The following CCDC88B variants were observed in gnomAD, a reference collection of about 807,000 sequenced individuals.
CCDC88B encodes coiled-coil domain-containing protein 88B.
In CCDC88B, 138 loss-of-function variants were observed where a neutral mutation model predicts 183.7. The observed-to-expected ratio is 0.75, with a 90% CI of 0.65 to 0.87. The LOEUF (loss-of-function observed/expected upper bound fraction) is 0.87, where lower values mean the gene tolerates loss of function less well. CCDC88B is among the 40% of genes least tolerant of loss of function. The pLI is 0.00. For missense variants in CCDC88B, 1,822 were observed against 1,965.6 expected (o/e 0.93, Z 1.38); for synonymous variants, 835 against 867.5 (o/e 0.96, Z 0.66).
intron 24 of CCDC88B, 111 bp downstream of exon 24, chr11:64,354,281 C>T (rs563409848): frequency 3.7e-5 from 34 of 921,188 alleles, no homozygotes; most frequent in Middle Eastern, 7.7e-4. Context: ...TTGGCCTTCC[C>T]TGAGGCCTGC....
Position 64,353,728 on chromosome 11 carries a change from G to T in CCDC88B, c.3847G>T (p.Ala1283Ser), listed in dbSNP as rs1257186932. The change falls in exon 23 of 27, where the codon GCC becomes TCC. Residue 1283 changes from alanine (A) to serine (S), a missense_variant. Ala to Ser is a moderately conservative substitution (Grantham distance 99, BLOSUM62 1). Coordinates refer to ENST00000356786, the MANE Select transcript of CCDC88B (RefSeq NM_032251.6). ...CACTCCTGCCAGGGACCAGCTTAAT[G>T]CCCTGCGCCGCGAGAAGCAGAAGCT... ...EQREYLDQLN[A>S]LRREKQKLVE... 4 of 1,613,938 alleles carry T rather than the reference G, an allele frequency of 2.5e-6. No individual in the cohort carries two copies. In the African/African-American group the frequency reaches 4.0e-5, roughly 16 times the overall value.
At chr11:64,348,049 CAAAAAAAAAA>C (rs551644268) in intron 14 of CCDC88B, among the ~76,000 whole-genome samples, 3 of 70,902 alleles carry the variant, frequency 4.2e-5, no homozygotes, top group African/African-American at 1.2e-4. Flanking sequence ...GACTCCGTCT[CAAAAAAAAAA>C]AAAAAAAAAA....
intron 16 of CCDC88B, 107 bp from the exon 17 acceptor site, chr11:64,351,053 A>G: frequency 1.4e-6 from 1 of 718,754 alleles, no homozygotes; most frequent in Non-Finnish European, 2.2e-6. Context: ...GGCGGGGTGG[A>G]CTAGGCTAAA....
At chr11:64,343,412 A>C in intron 11 of CCDC88B, 87 bp downstream of exon 11, 2 of 1,538,390 alleles carry the variant, frequency 1.3e-6, no homozygotes, top group Non-Finnish European at 1.8e-6. Context: ...GATTCTTGCA[A>C]CCTCTGCTCT....
Position 64,353,618 on chromosome 11 carries a change from G to A in CCDC88B, c.3834-97G>A, listed in dbSNP as rs1412526583. 2.2e-5 allele frequency: 35 copies of A among 1,578,520 alleles called. No individual in the cohort carries two copies. The Admixed American group carries it at 3.9e-4, about 17-fold the overall frequency. ...GACCTTCCAGGTCAGTCCAATCTGC[G>A]GCACGGGACCAGTGCGTCCTCGCTG... On this transcript the variant is annotated intron_variant, in intron 22 of 26. Transcript: ENST00000356786.
At position 64,344,834 on chromosome 11, in the gene CCDC88B, C is replaced by T; in HGVS notation, c.2293C>T (p.Leu765Phe). 6.2e-7 allele frequency: 1 copy of T among 1,612,264 alleles called. No individual in the cohort carries two copies. The highest frequency in any genetic ancestry group is 8.5e-7 in the Non-Finnish European group (1 of 1,179,386). The change falls in exon 14 of 27, where the codon CTC (leucine) becomes TTC (phenylalanine). Residue 765 changes from leucine (L) to phenylalanine (F), a missense_variant. By Grantham distance (22) the Leu-to-Phe change is conservative. Transcript: ENST00000356786. This position sits in a 1 kb window ranked among gnomAD's most constrained non-coding sequence, Gnocchi z 4.5. ...GGCCCAAAACACGGAGGCTGCCCGC[C>T]TCTCCAAGGAGCTGGCCCAAGCGCG... Reference protein sequence around the residue: ...LEAQNTEAARLSKELAQARRA... With the variant: ...LEAQNTEAARFSKELAQARRA...
chr11:64,344,067 T>C lies in CCDC88B; in HGVS notation c.1526T>C (p.Val509Ala). The C allele has an allele frequency of 6.2e-7, 1 of 1,604,342 alleles. No homozygotes were observed. The highest frequency in any genetic ancestry group is 8.5e-7 in the Non-Finnish European group (1 of 1,175,262). The change falls in exon 14 of 27, where the codon GTG (valine) becomes GCG (alanine). Residue 509 changes from valine (V) to alanine (A), a missense_variant. Transcript: ENST00000356786. This position sits in a 1 kb window ranked among gnomAD's most constrained non-coding sequence, Gnocchi z 4.5. ...CTGGAGGAGGCTCCCCAGACTCCTG[T>C]GGCCTTCGACCACAGCCCTCAGGGC... is the stretch of plus-strand genomic sequence containing the variant. ...PVLEEAPQTP[V>A]AFDHSPQGLV...
At chr11:64,353,325 T>C in intron 21 of CCDC88B, 26 bp from the exon 22 acceptor site, 2 of 1,610,116 alleles carry the variant, frequency 1.2e-6, no homozygotes, top group Non-Finnish European at 1.7e-6. Flanking sequence ...GGTCCCACCC[T>C]CCGAGCCATG....
intron 21 of CCDC88B, 28 bp from the exon 22 acceptor site, chr11:64,353,323 C>A: frequency 6.2e-7 from 1 of 1,609,406 alleles, no homozygotes; most frequent in Non-Finnish European, 8.5e-7. Flanking sequence ...TGGGTCCCAC[C>A]CTCCGAGCCA....
chr11:64,342,721 G>T, intron 10 of CCDC88B, 41 bp downstream of exon 10: 1 of 1,445,084 alleles, frequency 6.9e-7, no homozygotes, highest in Non-Finnish European at 9.0e-7. Context: ...CGTGCGCGAG[G>T]GGGCGGGCCA....
At chr11:64,354,488 G>A (rs987818230) in intron 24 of CCDC88B, among the ~76,000 whole-genome samples, 4 of 152,052 alleles carry the variant, frequency 2.6e-5, no homozygotes, top group South Asian at 2.1e-4. Context: ...CTGAGGCCCC[G>A]GGAGGGGAAG....
rs758801941 is a variant in CCDC88B, at chr11:64,344,358, C to T, written c.1817C>T (p.Pro606Leu). Residue 606 changes from proline (P) to leucine (L), a missense_variant, in exon 14 of 27, where the codon CCA (proline) becomes CTA (leucine). Physicochemically the swap from Pro to Leu is moderately conservative, Grantham distance 98. Coordinates refer to ENST00000356786, the MANE Select transcript of CCDC88B (RefSeq NM_032251.6). The surrounding 1 kb of genome is among the most constrained non-coding windows in gnomAD (Gnocchi z 4.5). Reference sequence around the variant, plus strand: ...CTCCAGAGCCCTGCCTCTGTGGCCCCACCTCAGGGTCCAGGGACCAAAATT... The same window carrying T: ...CTCCAGAGCCCTGCCTCTGTGGCCCTACCTCAGGGTCCAGGGACCAAAATT... Reference protein sequence around the residue: ...SSLQSPASVAPPQGPGTKIQA... With the variant: ...SSLQSPASVALPQGPGTKIQA... 2.5e-6 allele frequency: 4 copies of T among 1,592,978 alleles called. No individual in the cohort carries two copies. Among genetic ancestry groups the T allele is most frequent in the African/African-American group, 2.7e-5 (2 of 73,736 alleles).
At position 64,355,307 on chromosome 11, in the gene CCDC88B, A is replaced by T; in HGVS notation, c.4213A>T (p.Ser1405Cys). ...KLSSRFPVGR[S>C]SESFSPGDTP... ...CAGCTCAAGGTTCCCGGTGGGGCGAAGCTCTGAGTCATTCAGCCCTGGGGA... is the reference window on the plus strand; with the variant it reads ...CAGCTCAAGGTTCCCGGTGGGGCGATGCTCTGAGTCATTCAGCCCTGGGGA... Residue 1405 changes from serine to cysteine, a missense_variant, in exon 25 of 27, where the codon AGC becomes TGC. Ser to Cys is a moderately radical substitution (Grantham distance 112, BLOSUM62 -1). Coordinates refer to ENST00000356786, the MANE Select transcript of CCDC88B (RefSeq NM_032251.6). The T allele has an allele frequency of 1.3e-6, 2 of 1,590,700 alleles. No individual in the cohort carries two copies. Among genetic ancestry groups the T allele is most frequent in the Non-Finnish European group, 1.7e-6 (2 of 1,169,676 alleles).
At chr11:64,351,688 G>A in intron 18 of CCDC88B, 72 bp downstream of exon 18, 1 of 1,446,212 alleles carries the variant, frequency 6.9e-7, no homozygotes. Flanking sequence ...TCATCCTGTG[G>A]CCTTTTTCTA....
chr11:64,340,639 G>T lies in CCDC88B; in HGVS notation c.93G>T (p.Ala31=). ...GACTGGCCGGGCTGGTCGGGGAGGC[G>T]GAGGACTCGGAGGGGGAAGAAGAGG... ...ALGLAGLVGE[A]EDSEGEEEEE... The change falls in exon 2 of 27, where the codon GCG becomes GCT. Residue 31 remains alanine, a synonymous_variant. Transcript: ENST00000356786. 2 of 1,610,840 alleles carry T rather than the reference G, an allele frequency of 1.2e-6. No individual in the cohort carries two copies. Among genetic ancestry groups the T allele is most frequent in the South Asian group, 1.1e-5 (1 of 91,070 alleles).
intron 17 of CCDC88B, 65 bp downstream of exon 17, chr11:64,351,320 T>C: frequency 6.7e-7 from 1 of 1,497,580 alleles, no homozygotes; most frequent in Non-Finnish European, 9.0e-7. Context: ...GGGTCCACGG[T>C]GGACCCTGGG....
At position 64,355,888 on chromosome 11, in the gene CCDC88B, G is replaced by C. The variant is rs2036531946; in HGVS notation, c.4375+260G>C. 8.1e-6 allele frequency: 3 copies of C among 369,898 alleles called. No individual in the cohort carries two copies. In the East Asian group the frequency reaches 1.3e-4, roughly 16 times the overall value. The allele number at this position is 369,898 out of a possible 1,614,324, so 22.9% of individuals were successfully genotyped here. A position where few individuals can be genotyped will look rare whatever the true frequency, so the allele number is the denominator to read the frequency against. ...CATGATAATTTTAACTTTTCCAGTA[G>C]GCTTACCAGAAAAAGTGAAAAGAGA... is the stretch of plus-strand genomic sequence containing the variant. On this transcript the variant is annotated intron_variant, in intron 26 of 26. Coordinates refer to ENST00000356786, the MANE Select transcript of CCDC88B (RefSeq NM_032251.6).
chr11:64,343,171 C>T lies in CCDC88B; in HGVS notation c.1063-8C>T. On this transcript the variant is annotated splice_region_variant and splice_polypyrimidine_tract_variant and intron_variant, in intron 10 of 26. Transcript: ENST00000356786. The stretch of plus-strand genomic sequence containing the variant: ...CGTGGCTACCGGTTCTCCCTGCTCT[C>T]CCACCAGGAGGAGCGGGTGCTCTCG... 6.6e-7 allele frequency: 1 copy of T among 1,524,214 alleles called. No individual in the cohort carries two copies. The highest frequency in any genetic ancestry group is 8.8e-7 in the Non-Finnish European group (1 of 1,133,648). 94.4% of individuals were successfully genotyped at this position (1,524,214 alleles called of 1,614,324 possible). A position where few individuals can be genotyped will look rare whatever the true frequency, so the allele number is the denominator to read the frequency against.
chr11:64,349,683 C>A lies in CCDC88B; in HGVS notation c.2862+15C>A. ...AGCTGTTCCAGGTGATGCCTGCCCG[C>A]CTGGGAGCTGGGGGCCATGCCACCC... is the stretch of plus-strand genomic sequence containing the variant. On this transcript the variant is annotated intron_variant, in intron 16 of 26. Coordinates refer to ENST00000356786, the MANE Select transcript of CCDC88B (RefSeq NM_032251.6). 1 of 1,576,672 alleles carries A rather than the reference C, an allele frequency of 6.3e-7. No individual in the cohort carries two copies. Among genetic ancestry groups the A allele is most frequent in the Non-Finnish European group, 8.6e-7 (1 of 1,160,268 alleles).
Sources: allele counts gnomAD v4.1 joint callset (sites outside exome capture counted in the v4.1 genomes callset), GRCh38; gene constraint gnomAD v4.1.1; non-coding constraint Gnocchi (gnomAD v3.1); transcripts MANE v1.5; gene names NCBI Gene and HGNC (gene_info 2026-07-23, HGNC 2026-07-21).